The following WIPI1 variants were observed in gnomAD, a reference collection of about 807,000 sequenced individuals.
The protein encoded by WIPI1 is WD repeat domain, phosphoinositide interacting 1, also known as WD repeat domain phosphoinositide-interacting protein 1.
WIPI1 carries 45 observed loss-of-function variants against 55.3 expected under a neutral mutation model. That is an observed-to-expected ratio of 0.81 (90% confidence interval 0.64 to 1.04). The LOEUF is 1.04. Ranked by LOEUF, WIPI1 falls within the 50% of genes least tolerant of loss-of-function variation. WIPI1 has a pLI of 0.00. For synonymous variants in WIPI1, 195 were observed against 217.6 expected (o/e 0.90, Z 0.92); for missense variants, 445 against 559.0 (o/e 0.80, Z 2.06).
At chr17:68,431,535 T>G (rs1165274787) in intron 8 of WIPI1, among the ~76,000 whole-genome samples, 1 of 152,052 alleles carries the variant, frequency 6.6e-6, no homozygotes, top group Admixed American at 6.5e-5. Context: ...GGAATAAAGG[T>G]GTCTGAGGAG....
At chr17:68,427,752 C>A (rs1046424528) in intron 10 of WIPI1, among the ~76,000 whole-genome samples, 3 of 152,216 alleles carry the variant, frequency 2.0e-5, no homozygotes, top group Non-Finnish European at 2.9e-5. Context: ...GTCCTCTGCT[C>A]TTCCCAGTAC....
chr17:68,440,588 T>C (rs940644047), intron 4 of WIPI1: 1 of 152,238 alleles, frequency 6.6e-6, no homozygotes, highest in Non-Finnish European at 1.5e-5. Flanking sequence ...TTTTTCTACC[T>C]AGGAATGAGG....
chr17:68,424,861 A>G (rs1368012469), intron 12 of WIPI1, among the ~76,000 whole-genome samples: 8 of 152,250 alleles, frequency 5.3e-5, no homozygotes, highest in Non-Finnish European at 1.2e-4. Context: ...TGGGTGACAG[A>G]GCAAGACTCC....
chr17:68,436,772 G>A (rs542536192), intron 4 of WIPI1, among the ~76,000 whole-genome samples: 123 of 152,174 alleles, frequency 8.1e-4, no homozygotes, highest in Non-Finnish European at 1.6e-3. Flanking sequence ...TGAGGCGGGC[G>A]GATCACTTGA....
intron 8 of WIPI1, among the ~76,000 whole-genome samples, chr17:68,431,839 G>T (rs148853216): frequency 6.6e-6 from 1 of 152,250 alleles, no homozygotes; most frequent in Admixed American, 6.5e-5. Flanking sequence ...AGACAGAAAC[G>T]GGAGAGCCTG....
intron 8 of WIPI1, 125 bp downstream of exon 8, chr17:68,433,343 G>T: frequency 1.1e-6 from 1 of 922,838 alleles, no homozygotes; most frequent in Non-Finnish European, 1.7e-6. Context: ...CCATCACTTA[G>T]GTGAAGTCCC....
chr17:68,445,355 G>C (rs2084242210), intron 3 of WIPI1, among the ~76,000 whole-genome samples: 1 of 152,118 alleles, frequency 6.6e-6, no homozygotes, highest in Non-Finnish European at 1.5e-5. Flanking sequence ...TATAAAAATG[G>C]GTTTCTTTGC....
chr17:68,429,057 C>T (rs1033104436), intron 9 of WIPI1, 121 bp from the exon 10 acceptor site: 9 of 712,060 alleles, frequency 1.3e-5, no homozygotes, highest in Non-Finnish European at 2.2e-5. Flanking sequence ...AAACCCTTAG[C>T]CCACTGATCT....
rs144678657 is a variant in WIPI1, at chr17:68,426,048, G to A, written c.1293+27C>T. On this transcript the variant is annotated intron_variant, in intron 12 of 12. Transcript: ENST00000262139. Reference sequence around the variant, plus strand: ...TCCTTCTAAGCACACAGACTGAGCCGCCCAGTTACGGGTTCCTAATGCTCA... The same window carrying A: ...TCCTTCTAAGCACACAGACTGAGCCACCCAGTTACGGGTTCCTAATGCTCA... 106 of 1,597,548 alleles carry A rather than the reference G, an allele frequency of 6.6e-5. No individual in the cohort carries two copies. The African/African-American group carries it at 9.1e-4, about 14-fold the overall frequency.
At chr17:68,433,385 AAAG>A in intron 8 of WIPI1, 80 bp downstream of exon 8, 6 of 1,259,822 alleles carry the variant, frequency 4.8e-6, no homozygotes, top group Non-Finnish European at 6.9e-6. Context: ...TTCAGAAAGA[AAAG>A]AGATCATTCA....
chr17:68,436,648 A>G (rs1329092251), intron 4 of WIPI1, among the ~76,000 whole-genome samples, 169 bp from the exon 5 acceptor site: 3 of 152,216 alleles, frequency 2.0e-5, no homozygotes, highest in African/African-American at 7.2e-5. Flanking sequence ...AAGGCTTCCA[A>G]TAAAGCAACT....
intron 8 of WIPI1, 84 bp downstream of exon 8, chr17:68,433,384 A>G: frequency 8.0e-7 from 1 of 1,254,298 alleles, no homozygotes; most frequent in Non-Finnish European, 1.2e-6. Flanking sequence ...GTTCAGAAAG[A>G]AAAGAGATCA....
rs751175129 is a variant in WIPI1, at chr17:68,436,470, G to A, written c.440C>T (p.Ala147Val). Residue 147 changes from alanine (A) to valine (V), a missense_variant, in exon 5 of 13, where the codon GCT (alanine) becomes GTT (valine). Physicochemically the swap from Ala to Val is moderately conservative, Grantham distance 64. Transcript: ENST00000262139. ...AGAATTGGAATGGTTGATAGAGAGAGCACATAGACCTGGCAAAGAAGAAAC... is the reference window on the plus strand; with the variant it reads ...AGAATTGGAATGGTTGATAGAGAGAACACATAGACCTGGCAAAGAAGAAAC... ...DIPANPTGLC[A>V]LSINHSNSYL... The A allele has an allele frequency of 2.5e-6, 4 of 1,613,860 alleles. 1 individual carries two copies. The South Asian group carries it at 4.4e-5, about 18-fold the overall frequency.
In WIPI1 at chr17:68,421,681, T is replaced by C; in HGVS notation, c.*92A>G. 2 of 1,575,374 alleles carry C rather than the reference T, an allele frequency of 1.3e-6. No homozygotes were observed. Among genetic ancestry groups the C allele is most frequent in the Non-Finnish European group, 1.7e-6 (2 of 1,145,814 alleles). On this transcript the variant is annotated 3_prime_UTR_variant, in exon 13 of 13. Coordinates refer to ENST00000262139, the MANE Select transcript of WIPI1 (RefSeq NM_017983.7). ...CCGGGATTCCTGCCCCCCTTTCTGC[T>C]CACACAATTGCACTCCATTCTTCCG...
chr17:68,441,661 G>A (rs1316054176), intron 4 of WIPI1, among the ~76,000 whole-genome samples: 2 of 152,174 alleles, frequency 1.3e-5, no homozygotes, highest in Admixed American at 6.5e-5. Flanking sequence ...AGAGGGCTGC[G>A]GAGTGAGTCT....
chr17:68,430,373 A>AT (rs1291025587), intron 8 of WIPI1, among the ~76,000 whole-genome samples: 1 of 152,220 alleles, frequency 6.6e-6, no homozygotes, highest in African/African-American at 2.4e-5. Flanking sequence ...CAGAAGAGCC[A>AT]TTGTAAAGCT....
At chr17:68,446,016 G>A (rs1008767288) in intron 3 of WIPI1, among the ~76,000 whole-genome samples, 12 of 152,264 alleles carry the variant, frequency 7.9e-5, no homozygotes, top group South Asian at 6.2e-4. Flanking sequence ...TTATTCCAGG[G>A]AACATCAGCT....
chr17:68,453,001 G>A lies in WIPI1; in HGVS notation c.81-9C>T. 1 of 1,605,798 alleles carries A rather than the reference G, an allele frequency of 6.2e-7. No homozygotes were observed. The highest frequency in any genetic ancestry group is 8.5e-7 in the Non-Finnish European group (1 of 1,172,698). ...TTCCAGTTGCTAGGGATCTGTGGAG[G>A]ATAATGACAGCATGGGAATAACGAC... On this transcript the variant is annotated splice_polypyrimidine_tract_variant and intron_variant, in intron 1 of 12. Transcript: ENST00000262139.
chr17:68,446,466 G>A (rs115412209), intron 3 of WIPI1, among the ~76,000 whole-genome samples: 5,477 of 152,230 alleles, frequency 0.036, 336 homozygotes, highest in African/African-American at 0.13. Context: ...ACAAGCATGA[G>A]CTACTGTGCC....
Sources: allele counts gnomAD v4.1 joint callset (sites outside exome capture counted in the v4.1 genomes callset), GRCh38; gene constraint gnomAD v4.1.1; transcripts MANE v1.5; gene names NCBI Gene and HGNC (gene_info 2026-07-23, HGNC 2026-07-21).